Variants in CACNA1D observed in about 807,000 individuals in gnomAD.
CACNA1D encodes calcium voltage-gated channel subunit alpha1 D, also known as voltage-dependent L-type calcium channel subunit alpha-1D.
Under a neutral mutation model 257.1 loss-of-function variants are expected in CACNA1D, and 55 were observed. That is an observed-to-expected ratio of 0.21 (90% CI 0.17 to 0.27). The LOEUF (loss-of-function observed/expected upper bound fraction) is 0.27, where lower values mean the gene tolerates loss of function less well. CACNA1D is among the 10% of genes least tolerant of loss of function. CACNA1D has a pLI of 1.00. For synonymous variants in CACNA1D, 980 were observed against 1,014.9 expected (o/e 0.97, Z 0.65); for missense variants, 1,876 against 2,784.0 (o/e 0.67, Z 7.34).
intron 3 of CACNA1D, among the ~76,000 whole-genome samples, chr3:53,631,840 A>G (rs2093825347): frequency 6.6e-6 from 1 of 152,212 alleles, no homozygotes; most frequent in Admixed American, 6.5e-5. Context: ...TAATATTTTG[A>G]AAGGAGCTTT....
At chr3:53,701,958 C>T (rs1013049948) in intron 8 of CACNA1D, among the ~76,000 whole-genome samples, 4 of 152,042 alleles carry the variant, frequency 2.6e-5, no homozygotes, top group African/African-American at 4.8e-5. Context: ...AAGACCATGA[C>T]AAGTAGCAGG....
chr3:53,735,533 G>T, intron 20 of CACNA1D, 30 bp downstream of exon 20: 1 of 1,612,638 alleles, frequency 6.2e-7, no homozygotes, highest in Non-Finnish European at 8.5e-7. Context: ...CTCGCTCTGG[G>T]ATAGCCCTGG....
chr3:53,503,759 G>A (rs561791087), intron 3 of CACNA1D, among the ~76,000 whole-genome samples: 139 of 151,224 alleles, frequency 9.2e-4, no homozygotes, highest in African/African-American at 3.2e-3. Context: ...CTTAAGCTTT[G>A]AACTTTTTTT....
intron 3 of CACNA1D, among the ~76,000 whole-genome samples, chr3:53,587,955 C>G (rs1414076717): frequency 6.6e-6 from 1 of 151,990 alleles, no homozygotes; most frequent in Non-Finnish European, 1.5e-5. Context: ...GCTGCACATT[C>G]CATCAAGTGG....
intron 3 of CACNA1D, among the ~76,000 whole-genome samples, chr3:53,511,061 G>A (rs1013804819): frequency 1.3e-5 from 2 of 152,116 alleles, no homozygotes; most frequent in Admixed American, 1.3e-4. Context: ...GACAAATACT[G>A]CCTTTATGTC....
At chr3:53,560,734 T>C (rs964312353) in intron 3 of CACNA1D, among the ~76,000 whole-genome samples, 4 of 152,250 alleles carry the variant, frequency 2.6e-5, no homozygotes, top group African/African-American at 9.6e-5. Flanking sequence ...TCTTATACTT[T>C]TCATGTGTCA....
At position 53,696,752 on chromosome 3, in the gene CACNA1D, G is replaced by A. The variant is rs2094576833; in HGVS notation, c.1221-5889G>A. The stretch of plus-strand genomic sequence containing the variant: ...CAAAAGCTCACAGGGTTGCGGAATT[G>A]AGAAGAGTGTGGCCAGAGTATAAGG... On this transcript the variant is annotated intron_variant, in intron 8 of 47. Coordinates refer to ENST00000350061, the MANE Select transcript of CACNA1D (RefSeq NM_001128840.3). 2.0e-5 allele frequency among the ~76,000 whole-genome samples: 3 copies of A among 152,204 alleles called. No homozygotes were observed. The South Asian group carries it at 6.2e-4, about 32-fold the overall frequency.
intron 14 of CACNA1D, among the ~76,000 whole-genome samples, chr3:53,725,263 T>G (rs1170917666): frequency 6.6e-6 from 1 of 152,184 alleles, no homozygotes; most frequent in Non-Finnish European, 1.5e-5. Flanking sequence ...CTCAAGAGCC[T>G]TCCTGCTTGG....
intron 17 of CACNA1D, among the ~76,000 whole-genome samples, chr3:53,731,802 G>T (rs765209348): frequency 6.6e-6 from 1 of 152,190 alleles, no homozygotes; most frequent in Admixed American, 6.5e-5. Flanking sequence ...ACCACGACTG[G>T]GTCAGGGTTC....
chr3:53,753,527 T>C, intron 28 of CACNA1D, 45 bp from the exon 29 acceptor site: 1 of 1,257,582 alleles, frequency 8.0e-7, no homozygotes, highest in Non-Finnish European at 1.2e-6. Flanking sequence ...GCATGTGAGA[T>C]CGTGGCTGAG....
At chr3:53,808,862 C>T in intron 46 of CACNA1D, 92 bp downstream of exon 46, 1 of 1,335,810 alleles carries the variant, frequency 7.5e-7, no homozygotes. Flanking sequence ...CCTTAAGCAC[C>T]AGGAGGGAAG....
rs1242196444 is a variant in CACNA1D, at chr3:53,520,207, G to A, written c.483+18487G>A. On this transcript the variant is annotated intron_variant, in intron 3 of 47. Transcript: ENST00000350061. ...CATATGGTAACTTTCCCATTTTGAGGGACTGCCAAGCTGCTTGCCAAAGCA... is the reference window on the plus strand; with the variant it reads ...CATATGGTAACTTTCCCATTTTGAGAGACTGCCAAGCTGCTTGCCAAAGCA... Among the ~76,000 whole-genome samples, 4 of 152,152 alleles carry A rather than the reference G, an allele frequency of 2.6e-5. No homozygotes were observed. The East Asian group carries it at 7.7e-4, about 29-fold the overall frequency.
chr3:53,536,884 T>G (rs760098579), intron 3 of CACNA1D, among the ~76,000 whole-genome samples: 11 of 152,382 alleles, frequency 7.2e-5, no homozygotes, highest in Admixed American at 1.3e-4. Flanking sequence ...GTCTAGATGG[T>G]GAGGAATTTT....
intron 15 of CACNA1D, among the ~76,000 whole-genome samples, chr3:53,727,693 T>C (rs1470017260): frequency 6.6e-6 from 1 of 152,172 alleles, no homozygotes. Context: ...GCACCAGACC[T>C]GGTACACAGA....
Position 53,610,540 on chromosome 3 carries a change from A to T in CACNA1D, c.484-40239A>T, listed in dbSNP as rs551309543. ...TGTTCTGAAATTTATTTTGTCCAAT[A>T]TTAAGGTACACCTACCTTGGAAAGA... On this transcript the variant is annotated intron_variant, in intron 3 of 47. Coordinates refer to ENST00000350061, the MANE Select transcript of CACNA1D (RefSeq NM_001128840.3). 6.6e-5 allele frequency among the ~76,000 whole-genome samples: 10 copies of T among 152,286 alleles called. No homozygotes were observed. The East Asian group carries it at 1.9e-3, about 29-fold the overall frequency.
At chr3:53,700,684 A>G (rs997537648) in intron 8 of CACNA1D, among the ~76,000 whole-genome samples, 1 of 152,102 alleles carries the variant, frequency 6.6e-6, no homozygotes, top group Admixed American at 6.5e-5. Flanking sequence ...CTGGGCTCAG[A>G]TCGGCTCCTG....
At chr3:53,796,474 G>A (rs2095508209) in intron 40 of CACNA1D, 1 of 449,284 alleles carries the variant, frequency 2.2e-6, no homozygotes, top group Non-Finnish European at 4.5e-6. Context: ...GATGGCTGGT[G>A]TGTCTGATGG....
chr3:53,593,376 G>C (rs184223464), intron 3 of CACNA1D, among the ~76,000 whole-genome samples: 1 of 152,162 alleles, frequency 6.6e-6, no homozygotes, highest in African/African-American at 2.4e-5. Flanking sequence ...CCTGGGAATT[G>C]TTTTAGGCCC....
rs188119894 is a variant in CACNA1D, at chr3:53,793,814, G to A, written c.4924-6435G>A. 1.6e-4 allele frequency among the ~76,000 whole-genome samples: 24 copies of A among 152,344 alleles called. No homozygotes were observed. Among genetic ancestry groups the A allele is most frequent in the Admixed American group, 1.2e-3 (18 of 15,302 alleles). ...GTCAAACTGCAGAGACACCGCTGTC[G>A]TTTCTCTTAAAGCCTTGGCAGAGAA... On this transcript the variant is annotated intron_variant, in intron 40 of 47. Transcript: ENST00000350061. This position sits in a 1 kb window ranked among gnomAD's most constrained non-coding sequence, Gnocchi z 4.1.
Sources: allele counts gnomAD v4.1 joint callset (sites outside exome capture counted in the v4.1 genomes callset), GRCh38; gene constraint gnomAD v4.1.1; non-coding constraint Gnocchi (gnomAD v3.1); transcripts MANE v1.5; gene names NCBI Gene and HGNC (gene_info 2026-07-23, HGNC 2026-07-21).